SIL1: variants seen among roughly 807,000 people sequenced by gnomAD.
SIL1 encodes SIL1 nucleotide exchange factor, also known as nucleotide exchange factor SIL1.
Under a neutral mutation model 49.1 loss-of-function variants are expected in SIL1, and 40 were observed. That is an observed-to-expected ratio of 0.81 (90% CI 0.63 to 1.06). The LOEUF (loss-of-function observed/expected upper bound fraction) is 1.06, where lower values mean the gene tolerates loss of function less well. Among genes scored for constraint, SIL1 ranks in the 50% least tolerant of loss-of-function variants. SIL1 has a pLI of 0.00. For synonymous variants in SIL1, 253 were observed against 250.8 expected (o/e 1.01, Z -0.08); for missense variants, 500 against 572.6 (o/e 0.87, Z 1.29).
chr5:139,151,014 G>C (rs1751288631), intron 1 of SIL1, among the ~76,000 whole-genome samples: 1 of 152,130 alleles, frequency 6.6e-6, no homozygotes, highest in Non-Finnish European at 1.5e-5. Flanking sequence ...GTAGAAGGCA[G>C]CAATTTTCAG....
At chr5:138,966,503 G>A (rs920162916) in intron 7 of SIL1, among the ~76,000 whole-genome samples, 5 of 152,104 alleles carry the variant, frequency 3.3e-5, no homozygotes, top group African/African-American at 9.7e-5. Flanking sequence ...CTCGGCGGGC[G>A]GGTGTAGGGG....
At chr5:139,088,367 T>C (rs1048115463) in intron 3 of SIL1, among the ~76,000 whole-genome samples, 3 of 152,368 alleles carry the variant, frequency 2.0e-5, no homozygotes, top group Admixed American at 6.5e-5. Context: ...GGGATTTCAT[T>C]CCCCATGGGA....
intron 3 of SIL1, among the ~76,000 whole-genome samples, chr5:139,060,184 G>A (rs1769553418): frequency 6.6e-6 from 1 of 152,062 alleles, no homozygotes; most frequent in African/African-American, 2.4e-5. Flanking sequence ...TGTTTATTTG[G>A]TGAGCCTATG....
At chr5:139,175,953 CA>C in intron 1 of SIL1, among the ~76,000 whole-genome samples, 2 of 152,070 alleles carry the variant, frequency 1.3e-5, no homozygotes, top group African/African-American at 4.8e-5. Flanking sequence ...GAGTGAGACT[CA>C]GTCTCAAAAA....
chr5:139,081,066 C>T (rs1440820016), intron 3 of SIL1, among the ~76,000 whole-genome samples: 1 of 152,178 alleles, frequency 6.6e-6, no homozygotes, highest in African/African-American at 2.4e-5. Flanking sequence ...CCACTGTTAT[C>T]GCAATATGGC....
chr5:138,969,708 T>C (rs999410319), intron 7 of SIL1, among the ~76,000 whole-genome samples: 4 of 152,204 alleles, frequency 2.6e-5, no homozygotes, highest in African/African-American at 9.6e-5. Context: ...AAGAATTGCA[T>C]GAACCGCAGT....
intron 1 of SIL1, among the ~76,000 whole-genome samples, chr5:139,153,995 G>C (rs11957828): frequency 0.4 from 61,007 of 151,984 alleles, 13,376 homozygotes; most frequent in South Asian, 0.52. Flanking sequence ...CAGGTTAATT[G>C]AAATTCTTTC....
intron 1 of SIL1, among the ~76,000 whole-genome samples, chr5:139,160,143 T>TCACACACA (rs57028301): frequency 5.4e-4 from 75 of 137,866 alleles, no homozygotes; most frequent in African/African-American, 1.4e-3. Context: ...ATTTCCACAA[T>TCACACACA]CACACACACA....
chr5:139,034,680 T>C (rs1191844133), intron 5 of SIL1, among the ~76,000 whole-genome samples: 1 of 152,208 alleles, frequency 6.6e-6, no homozygotes, highest in Non-Finnish European at 1.5e-5. Flanking sequence ...AAACAGATCT[T>C]GTCATAATTT....
chr5:139,001,328 T>C (rs1012868299), intron 7 of SIL1, among the ~76,000 whole-genome samples: 1 of 152,222 alleles, frequency 6.6e-6, no homozygotes, highest in Non-Finnish European at 1.5e-5. Context: ...AAAATGTGCA[T>C]ATAACCTAGC....
chr5:139,142,592 C>T (rs991404069), intron 1 of SIL1, among the ~76,000 whole-genome samples: 2 of 152,030 alleles, frequency 1.3e-5, no homozygotes, highest in African/African-American at 2.4e-5. Flanking sequence ...ATCCAATATC[C>T]TTTCATAATA....
At chr5:138,951,043 G>T in intron 9 of SIL1, 128 bp downstream of exon 9, 1 of 1,062,372 alleles carries the variant, frequency 9.4e-7, no homozygotes, top group Non-Finnish European at 1.4e-6. Flanking sequence ...CTGTCTGTCT[G>T]TCCATCCATC....
intron 3 of SIL1, among the ~76,000 whole-genome samples, chr5:139,096,838 C>G (rs1013991680): frequency 1.3e-5 from 2 of 151,940 alleles, no homozygotes; most frequent in Non-Finnish European, 2.9e-5. Flanking sequence ...CTTGGGTAAG[C>G]CTCTGAGACA....
At chr5:139,170,207 C>G (rs867275143) in intron 1 of SIL1, among the ~76,000 whole-genome samples, 2 of 152,166 alleles carry the variant, frequency 1.3e-5, no homozygotes, top group Non-Finnish European at 2.9e-5. Context: ...GGCGTGATCT[C>G]GGCTCGCTAC....
intron 7 of SIL1, among the ~76,000 whole-genome samples, chr5:139,010,702 G>T (rs1365835375): frequency 2.0e-5 from 3 of 150,572 alleles, no homozygotes; most frequent in Non-Finnish European, 4.5e-5. Context: ...TCAGCTGCAG[G>T]TCTGTTGGAA....
intron 1 of SIL1, among the ~76,000 whole-genome samples, chr5:139,137,123 C>A (rs1310080432): frequency 6.6e-6 from 1 of 152,212 alleles, no homozygotes; most frequent in Non-Finnish European, 1.5e-5. Flanking sequence ...GCCACCCCTT[C>A]CCCCAGCATT....
chr5:139,175,287 C>T (rs1246278318), intron 1 of SIL1, among the ~76,000 whole-genome samples: 2 of 152,166 alleles, frequency 1.3e-5, no homozygotes, highest in Non-Finnish European at 2.9e-5. Flanking sequence ...CACCACTGCA[C>T]TCCAGCCTGG....
At chr5:138,952,056 C>A (rs956288483) in intron 7 of SIL1, among the ~76,000 whole-genome samples, 172 bp from the exon 8 acceptor site, 1 of 152,220 alleles carries the variant, frequency 6.6e-6, no homozygotes, top group African/African-American at 2.4e-5. Flanking sequence ...CACAGACCCA[C>A]GTGGGAACAG....
At chr5:138,975,818 C>T (rs1184872821) in intron 7 of SIL1, among the ~76,000 whole-genome samples, 1 of 152,218 alleles carries the variant, frequency 6.6e-6, no homozygotes, top group Non-Finnish European at 1.5e-5. Context: ...TGGCACCAAC[C>T]AGCCAGGCGT....
Sources: allele counts gnomAD v4.1 joint callset (sites outside exome capture counted in the v4.1 genomes callset), GRCh38; gene constraint gnomAD v4.1.1; transcripts MANE v1.5; gene names NCBI Gene and HGNC (gene_info 2026-07-23, HGNC 2026-07-21).